Variants in EMSY observed in about 807,000 individuals in gnomAD.
EMSY encodes the protein EMSY transcriptional repressor, BRCA2 interacting, also known as BRCA2-interacting transcriptional repressor EMSY.
In EMSY, 26 loss-of-function variants were observed where a neutral mutation model predicts 134.6. The observed-to-expected ratio is 0.19, with a 90% CI of 0.14 to 0.27. The LOEUF (loss-of-function observed/expected upper bound fraction) is 0.27. Ranked by LOEUF, EMSY falls within the 10% of genes least tolerant of loss-of-function variation. EMSY has a pLI of 1.00. For synonymous variants in EMSY, 579 were observed against 577.8 expected (o/e 1.00, Z -0.03); for missense variants, 1,305 against 1,611.4 (o/e 0.81, Z 3.26).
At chr11:76,528,871 G>A (rs1210121326) in intron 14 of EMSY, among the ~76,000 whole-genome samples, 2 of 152,086 alleles carry the variant, frequency 1.3e-5, no homozygotes, top group Non-Finnish European at 2.9e-5. Flanking sequence ...AATCAAGGTG[G>A]TCAGAGGTAG....
chr11:76,501,820 CAT>C (rs1208346297), intron 9 of EMSY, among the ~76,000 whole-genome samples: 3 of 151,910 alleles, frequency 2.0e-5, no homozygotes, highest in African/African-American at 7.3e-5. Context: ...AAAGCAGTAA[CAT>C]ATGTTTAAGA....
At chr11:76,504,544 A>G (rs1265196195) in intron 9 of EMSY, among the ~76,000 whole-genome samples, 1 of 152,182 alleles carries the variant, frequency 6.6e-6, no homozygotes, top group Non-Finnish European at 1.5e-5. Flanking sequence ...GTTGACATGG[A>G]TGTAGAGAAA....
At chr11:76,464,026 A>T (rs2135179046) in exon 7 of EMSY, 1 of 1,614,198 alleles carries the variant, frequency 6.2e-7, no homozygotes, top group Non-Finnish European at 8.5e-7. Flanking sequence ...TGTCTCCTGT[A>T]AAAATAACCT....
chr11:76,503,371 A>G (rs139965379), intron 9 of EMSY, among the ~76,000 whole-genome samples: 5 of 152,040 alleles, frequency 3.3e-5, no homozygotes, highest in African/African-American at 1.2e-4. Context: ...AAAATTTACT[A>G]CAAACCAATG....
At chr11:76,549,861 T>A (rs1310027525) in intron 20 of EMSY, 91 bp from the exon 22 acceptor site, 17 of 1,249,824 alleles carry the variant, frequency 1.4e-5, no homozygotes, top group East Asian at 9.4e-5. Flanking sequence ...AAAATGTCAG[T>A]TTTCTTTTTT....
intron 8 of EMSY, among the ~76,000 whole-genome samples, chr11:76,482,457 C>T (rs1038235058): frequency 6.6e-6 from 1 of 152,116 alleles, no homozygotes; most frequent in African/African-American, 2.4e-5. Context: ...CCTCCCCGAG[C>T]TAAGGGAACA....
At chr11:76,495,877 A>G (rs1254740859) in intron 8 of EMSY, among the ~76,000 whole-genome samples, 1 of 152,226 alleles carries the variant, frequency 6.6e-6, no homozygotes. Context: ...TATTATTCAC[A>G]TTGAGAACCT....
At chr11:76,487,212 G>T (rs544595553) in intron 8 of EMSY, among the ~76,000 whole-genome samples, 52 of 152,302 alleles carry the variant, frequency 3.4e-4, no homozygotes, top group Non-Finnish European at 1.5e-4. Context: ...CCCGGGAGGC[G>T]GAGCTTGCAG....
At chr11:76,498,848 G>A (rs965015947) in intron 9 of EMSY, among the ~76,000 whole-genome samples, 2 of 152,142 alleles carry the variant, frequency 1.3e-5, no homozygotes, top group Admixed American at 1.3e-4. Flanking sequence ...TGTTCACATA[G>A]TGTATTTTTT....
chr11:76,549,727 GAAT>G (rs1033371886), intron 20 of EMSY, among the ~76,000 whole-genome samples: 3 of 152,110 alleles, frequency 2.0e-5, no homozygotes, highest in Admixed American at 2.0e-4. Flanking sequence ...TTGTAAATGG[GAAT>G]AATAATTTTC....
At chr11:76,500,962 A>G (rs2135900241) in intron 9 of EMSY, among the ~76,000 whole-genome samples, 1 of 152,306 alleles carries the variant, frequency 6.6e-6, no homozygotes, top group East Asian at 1.9e-4. Flanking sequence ...GACCCTGTTG[A>G]TACTCAAATC....
At chr11:76,463,008 G>A (rs976982134) in intron 6 of EMSY, among the ~76,000 whole-genome samples, 1 of 152,202 alleles carries the variant, frequency 6.6e-6, no homozygotes, top group East Asian at 1.9e-4. Context: ...GCCTGACATG[G>A]CCATAGGTTT....
At chr11:76,537,923 G>C (rs1372787050) in exon 16 of EMSY, 1 of 1,613,340 alleles carries the variant, frequency 6.2e-7, no homozygotes, top group Non-Finnish European at 8.5e-7. Flanking sequence ...GGTAGAGTCA[G>C]AACTAGTAGC....
chr11:76,494,112 G>A (rs997138186), intron 8 of EMSY, among the ~76,000 whole-genome samples: 1 of 152,276 alleles, frequency 6.6e-6, no homozygotes, highest in Non-Finnish European at 1.5e-5. Flanking sequence ...ATCTCTGCCA[G>A]TGCCTGGAGC....
chr11:76,480,963 C>T (rs1948954465), intron 8 of EMSY, among the ~76,000 whole-genome samples: 2 of 152,212 alleles, frequency 1.3e-5, no homozygotes. Flanking sequence ...CACCAGGGCC[C>T]TAGGTTTGAA....
Position 76,464,087 on chromosome 11 carries a change from G to C in EMSY, c.831+7G>C. ...AAACACAACAACACAGAAGGTATGT[G>C]GTGGAGGGAGTCTCTGCCTGCCAAT... On this transcript the variant is annotated splice_region_variant and intron_variant, in intron 7 of 20. Coordinates refer to ENST00000334736, the Ensembl canonical transcript of EMSY. 1.2e-6 allele frequency: 2 copies of C among 1,613,808 alleles called. No homozygotes were observed. Among genetic ancestry groups the C allele is most frequent in the Non-Finnish European group, 1.7e-6 (2 of 1,179,790 alleles).
intron 11 of EMSY, among the ~76,000 whole-genome samples, chr11:76,519,553 C>T (rs566460771): frequency 6.6e-6 from 1 of 152,206 alleles, no homozygotes; most frequent in South Asian, 2.1e-4. Flanking sequence ...CTTTAATTCT[C>T]CTAATCTTTA....
intron 8 of EMSY, among the ~76,000 whole-genome samples, chr11:76,480,593 A>G (rs10793171): frequency 0.55 from 83,772 of 152,020 alleles, 24,130 homozygotes; most frequent in East Asian, 0.73. Context: ...TGAAGAGTTA[A>G]TATAAAAATG....
intron 8 of EMSY, among the ~76,000 whole-genome samples, chr11:76,492,299 C>T (rs1949454891): frequency 6.6e-6 from 1 of 152,024 alleles, no homozygotes; most frequent in East Asian, 1.9e-4. Context: ...CATGGTGAAA[C>T]CTCTACTCGA....
Sources: allele counts gnomAD v4.1 joint callset (sites outside exome capture counted in the v4.1 genomes callset), GRCh38; gene constraint gnomAD v4.1.1; transcripts MANE v1.5; gene names NCBI Gene and HGNC (gene_info 2026-07-23, HGNC 2026-07-21).